Variants in BCR observed in about 807,000 individuals in gnomAD.
BCR encodes the protein breakpoint cluster region protein.
BCR carries 58 observed loss-of-function variants against 138.6 expected under a neutral mutation model. The ratio of observed to expected loss-of-function variants is 0.42; its 90% CI spans 0.34 to 0.52. The LOEUF (loss-of-function observed/expected upper bound fraction) is 0.52, where lower values mean the gene tolerates loss of function less well. Among genes scored for constraint, BCR ranks in the 20% least tolerant of loss-of-function variants. The probability of loss-of-function intolerance (pLI) is 0.06; values close to 1 mark genes in which losing one functional copy is unlikely to be tolerated. For synonymous variants in BCR, 786 were observed against 730.1 expected (o/e 1.08, Z -1.23); for missense variants, 1,599 against 1,727.2 (o/e 0.93, Z 1.32).
chr22:23,188,967 A>G (rs1031712795), intron 1 of BCR, among the ~76,000 whole-genome samples: 1 of 152,082 alleles, frequency 6.6e-6, no homozygotes, highest in Non-Finnish European at 1.5e-5. Context: ...CCCAGGTTCA[A>G]GCGATTCTTC....
At chr22:23,261,082 G>C in intron 3 of BCR, 28 bp downstream of exon 3, 1 of 1,599,788 alleles carries the variant, frequency 6.3e-7, no homozygotes, top group South Asian at 1.1e-5. Flanking sequence ...AGCTGAGCAG[G>C]GCGGGATGGG....
At chr22:23,312,206 T>TGCA (rs2074015924) in intron 19 of BCR, among the ~76,000 whole-genome samples, 1 of 152,222 alleles carries the variant, frequency 6.6e-6, no homozygotes, top group Non-Finnish European at 1.5e-5. Flanking sequence ...AGGCTGGGGC[T>TGCA]GCAGCATCTC....
chr22:23,281,363 G>A (rs561913606), intron 8 of BCR, among the ~76,000 whole-genome samples: 65 of 152,314 alleles, frequency 4.3e-4, no homozygotes, highest in African/African-American at 1.4e-3. Context: ...TTGTGACCCC[G>A]GCCCACCCTT....
chr22:23,299,122 G>A (rs1056866316), intron 16 of BCR, among the ~76,000 whole-genome samples: 26 of 151,320 alleles, frequency 1.7e-4, no homozygotes, highest in Admixed American at 1.2e-3. Context: ...TCAGCCTCCC[G>A]AGTAGCCGGG....
chr22:23,230,072 T>G (rs2072939523), intron 1 of BCR, among the ~76,000 whole-genome samples: 1 of 151,742 alleles, frequency 6.6e-6, no homozygotes, highest in Non-Finnish European at 1.5e-5. Flanking sequence ...TTTCCTCTTG[T>G]CTGTGCCTGT....
At chr22:23,263,282 G>T (rs1049135338) in intron 4 of BCR, 5 of 1,138,584 alleles carry the variant, frequency 4.4e-6, no homozygotes, top group Admixed American at 1.8e-5. Flanking sequence ...TCGGCCGCCT[G>T]GCCCAGGTGT....
intron 16 of BCR, among the ~76,000 whole-genome samples, chr22:23,303,337 G>C (rs1004537550): frequency 2.0e-5 from 3 of 152,176 alleles, no homozygotes; most frequent in African/African-American, 7.2e-5. Flanking sequence ...AGTCGGAGGA[G>C]GTATGGTCAG....
At chr22:23,244,253 T>C (rs1303414897) in intron 1 of BCR, among the ~76,000 whole-genome samples, 11 of 152,292 alleles carry the variant, frequency 7.2e-5, no homozygotes, top group African/African-American at 2.2e-4. Context: ...ATCATAGTAG[T>C]AGTAATTGGA....
chr22:23,239,879 C>T lies in BCR; in HGVS notation c.1280-13920C>T, dbSNP rs180832228. Reference sequence around the variant, plus strand: ...CCAGTCCCAGGCTGCAGTGCAGTGGCGCAGTCATAGCTCACTGTAGCCTCA... The same window carrying T: ...CCAGTCCCAGGCTGCAGTGCAGTGGTGCAGTCATAGCTCACTGTAGCCTCA... On this transcript the variant is annotated intron_variant, in intron 1 of 22. Transcript: ENST00000305877. 1.0e-3 allele frequency among the ~76,000 whole-genome samples: 157 copies of T among 151,972 alleles called. 1 individual carries two copies. The highest frequency in any genetic ancestry group is 3.4e-3 in the African/African-American group (142 of 41,428).
At chr22:23,312,547 TC>T (rs1281483470) in intron 19 of BCR, 3 of 254,552 alleles carry the variant, frequency 1.2e-5, no homozygotes, top group African/African-American at 6.3e-5. Flanking sequence ...CCCACGGCCT[TC>T]CTGCTATCAG....
At position 23,317,147 on chromosome 22, in the gene BCR, G is replaced by A. The variant is rs1411791172; in HGVS notation, c.*1625G>A. The A allele has an allele frequency of 1.2e-3, 228 of 190,104 alleles. No individual in the cohort carries two copies. The highest frequency in any genetic ancestry group is 6.6e-3 in the East Asian group (76 of 11,494). The allele number at this position is 190,104 out of a possible 1,614,324, so 11.8% of individuals were successfully genotyped here. ...TCAGTGGGCAGCTCCTGCTGAACCC[G>A]CAGCTCACTAGGGAGCCTGACAGTG... On this transcript the variant is annotated 3_prime_UTR_variant, in exon 23 of 23. Coordinates refer to ENST00000305877, the MANE Select transcript of BCR (RefSeq NM_004327.4).
intron 1 of BCR, 38 bp from the exon 2 acceptor site, chr22:23,253,761 C>T: frequency 1.9e-6 from 3 of 1,579,122 alleles, no homozygotes; most frequent in African/African-American, 1.3e-5. Context: ...ATGCTCCCTT[C>T]TCTGTCTCTA....
At chr22:23,312,755 AG>A in intron 19 of BCR, 131 bp from the exon 20 acceptor site, 1 of 843,164 alleles carries the variant, frequency 1.2e-6, no homozygotes, top group Non-Finnish European at 1.9e-6. Context: ...GAGTCAGATG[AG>A]CTGCTCAAAG....
Position 23,181,304 on chromosome 22 carries a change from C to T in BCR, c.344C>T (p.Ala115Val), listed in dbSNP as rs746637123. 5.9e-6 allele frequency: 8 copies of T among 1,359,710 alleles called. No homozygotes were observed. In the East Asian group the frequency reaches 1.9e-4, roughly 32 times the overall value. The allele number at this position is 1,359,710 out of a possible 1,614,324, so 84.2% of individuals were successfully genotyped here. A position where few individuals can be genotyped will look rare whatever the true frequency, so the allele number is the denominator to read the frequency against. ...ADPPPAEEPE[A>V]RPDGEGSPGK... is the part of the protein sequence containing the mutation. ...CCGCCGCCCGCCGAGGAGCCCGAGG[C>T]CCGGCCCGACGGCGAGGGTTCTCCG... The change falls in exon 1 of 23, where the codon GCC becomes GTC. Residue 115 changes from alanine (A) to valine (V), a missense_variant. Transcript: ENST00000305877.
chr22:23,301,742 T>C (rs1362008374), intron 16 of BCR, among the ~76,000 whole-genome samples: 1 of 151,894 alleles, frequency 6.6e-6, no homozygotes, highest in African/African-American at 2.4e-5. Flanking sequence ...GGGAGAGGGG[T>C]CTTCTTGTTC....
rs1002283263 is a variant in BCR at position 23,288,025 on chromosome 22, T to C, written c.2527-72T>C. On this transcript the variant is annotated intron_variant, in intron 11 of 22. Transcript: ENST00000305877. The stretch of plus-strand genomic sequence containing the variant: ...GAGATACGAGTTGTGTGCTCTAAGG[T>C]GCCCCGGGCCTACCAGGCATTTGCG... 60 of 1,426,302 alleles carry C rather than the reference T, an allele frequency of 4.2e-5. No homozygotes were observed. In the Middle Eastern group the frequency reaches 6.8e-4, roughly 16 times the overall value. 88.4% of individuals were successfully genotyped at this position (1,426,302 alleles called of 1,614,324 possible). A position where few individuals can be genotyped will look rare whatever the true frequency, so the allele number is the denominator to read the frequency against.
chr22:23,262,811 G>A (rs920513256), intron 4 of BCR: 5 of 1,000,670 alleles, frequency 5.0e-6, no homozygotes, highest in Admixed American at 5.8e-5. Context: ...AAAAGCGAGC[G>A]AGAGGGGCAA....
At chr22:23,258,266 AGGCTTTTT>A (rs2146272067) in intron 2 of BCR, among the ~76,000 whole-genome samples, 1 of 152,158 alleles carries the variant, frequency 6.6e-6, no homozygotes, top group Admixed American at 6.5e-5. Context: ...TGGCCCAGGA[AGGCTTTTT>A]AGATGGTCCC....
intron 1 of BCR, among the ~76,000 whole-genome samples, chr22:23,203,120 C>T (rs560893092): frequency 6.6e-6 from 1 of 152,144 alleles, no homozygotes; most frequent in Non-Finnish European, 1.5e-5. Context: ...TTGGCTTCTC[C>T]TGAAGTGCTG....
Sources: allele counts gnomAD v4.1 joint callset (sites outside exome capture counted in the v4.1 genomes callset), GRCh38; gene constraint gnomAD v4.1.1; transcripts MANE v1.5; gene names NCBI Gene and HGNC (gene_info 2026-07-23, HGNC 2026-07-21).